CENPC: variants seen among roughly 807,000 people sequenced by gnomAD.
CENPC encodes centromere protein C, also known as CENP-C 1.
A neutral mutation model predicts 112.1 loss-of-function variants in CENPC; 63 were observed. The observed-to-expected ratio is 0.56, with a 90% confidence interval of 0.46 to 0.69. The LOEUF (loss-of-function observed/expected upper bound fraction) is 0.69, where lower values mean the gene tolerates loss of function less well. CENPC is among the 30% of genes least tolerant of loss of function. The pLI is 0.00. For missense variants in CENPC, 1,000 were observed against 1,103.8 expected, an observed-to-expected ratio of 0.91 and a Z score of 1.33; for synonymous variants, 333 against 367.6, an observed-to-expected ratio of 0.91 and a Z score of 1.08.
intron 4 of CENPC, among the ~76,000 whole-genome samples, chr4:67,538,858 C>G (rs915263050): frequency 6.6e-6 from 1 of 152,152 alleles, no homozygotes; most frequent in Non-Finnish European, 1.5e-5. Flanking sequence ...AGAAAATTAG[C>G]CACAGACTAT....
At chr4:67,481,970 G>C (rs1024798638) in intron 17 of CENPC, among the ~76,000 whole-genome samples, 2 of 152,072 alleles carry the variant, frequency 1.3e-5, no homozygotes, top group Non-Finnish European at 2.9e-5. Context: ...CAACGGCAGA[G>C]TAAACAGACA....
chr4:67,539,409 A>G (rs1726818950), intron 4 of CENPC, among the ~76,000 whole-genome samples: 1 of 152,188 alleles, frequency 6.6e-6, no homozygotes, highest in Admixed American at 6.5e-5. Context: ...TACTTAGTAT[A>G]GTTAAGTCAA....
rs75158763 is a variant in CENPC at position 67,535,520 on chromosome 4, C to G, written c.231+4320G>C. ...GCATACTAAGACATTTATACTTAGA[C>G]GTTTGTCATAGAAAACTGGTGATGA... is the stretch of plus-strand genomic sequence containing the variant. On this transcript the variant is annotated intron_variant, in intron 4 of 18. Coordinates refer to ENST00000273853, the MANE Select transcript of CENPC (RefSeq NM_001812.4). Among the ~76,000 whole-genome samples the G allele has an allele frequency of 2.0e-3, 307 of 151,814 alleles. 8 individuals are homozygous for G. The East Asian group carries it at 0.052, about 26-fold the overall frequency.
chr4:67,475,630 A>C (rs1478536268), intron 17 of CENPC, among the ~76,000 whole-genome samples: 1 of 152,056 alleles, frequency 6.6e-6, no homozygotes, highest in Non-Finnish European at 1.5e-5. Flanking sequence ...ATGGAGTCTC[A>C]CTCTGTCATC....
intron 12 of CENPC, among the ~76,000 whole-genome samples, chr4:67,501,127 G>A (rs1231185330): frequency 1.3e-5 from 2 of 152,092 alleles, no homozygotes; most frequent in African/African-American, 4.8e-5. Flanking sequence ...GGCCAACAAG[G>A]TGAAAGCCTG....
Position 67,472,517 on chromosome 4 carries a change from A to G in CENPC, c.*88T>C. The G allele has an allele frequency of 7.9e-7, 1 of 1,273,312 alleles. No individual in the cohort carries two copies. Among genetic ancestry groups the G allele is most frequent in the Non-Finnish European group, 1.0e-6 (1 of 996,470 alleles). 78.9% of individuals were successfully genotyped at this position (1,273,312 alleles called of 1,614,324 possible). On this transcript the variant is annotated 3_prime_UTR_variant, in exon 19 of 19. Coordinates refer to ENST00000273853, the MANE Select transcript of CENPC (RefSeq NM_001812.4). ...AAAATTTTTATTTTAAAACATCACA[A>G]GTAATTACAAAGACAAATATTCCAA...
chr4:67,519,464 C>A lies in CENPC; in HGVS notation c.370G>T (p.Asp124Tyr). The change falls in exon 6 of 19, where the codon GAT becomes TAT. Residue 124 changes from aspartate (D) to tyrosine (Y), a missense_variant. Asp to Tyr is a radical substitution (Grantham distance 160, BLOSUM62 -3). Transcript: ENST00000273853. Reference protein sequence around the residue: ...HEVHQKILATDVSSKNTPDSK... With the variant: ...HEVHQKILATYVSSKNTPDSK... ...TCAGGTGTATTTTTGGAACTAACAT[C>A]AGTTGCCAGAATTTTCTGATGAACT... The A allele has an allele frequency of 6.3e-7, 1 of 1,596,412 alleles. No homozygotes were observed. Among genetic ancestry groups the A allele is most frequent in the South Asian group, 1.1e-5 (1 of 88,796 alleles).
intron 8 of CENPC, among the ~76,000 whole-genome samples, chr4:67,513,546 CT>C (rs941798828): frequency 1.6e-4 from 24 of 152,056 alleles, no homozygotes; most frequent in Non-Finnish European, 1.5e-5. Flanking sequence ...TGTATCCTTC[CT>C]TTTAATCCTA....
chr4:67,490,193 A>G, intron 16 of CENPC, 72 bp from the exon 17 acceptor site: 1 of 1,012,472 alleles, frequency 9.9e-7, no homozygotes, highest in Non-Finnish European at 1.4e-6. Flanking sequence ...ATACACATAT[A>G]TATAATAAAG....
At chr4:67,483,384 C>A (rs986008490) in intron 17 of CENPC, among the ~76,000 whole-genome samples, 3 of 151,782 alleles carry the variant, frequency 2.0e-5, no homozygotes, top group African/African-American at 4.8e-5. Context: ...TCTATGTAAC[C>A]AAACACTACT....
chr4:67,543,708 A>G (rs1009281165), intron 2 of CENPC, among the ~76,000 whole-genome samples: 1 of 152,188 alleles, frequency 6.6e-6, no homozygotes, highest in Non-Finnish European at 1.5e-5. Context: ...TCATCCTATT[A>G]CTAGTAAATA....
At chr4:67,536,929 G>A (rs1364504249) in intron 4 of CENPC, among the ~76,000 whole-genome samples, 6 of 150,446 alleles carry the variant, frequency 4.0e-5, no homozygotes, top group African/African-American at 1.2e-4. Context: ...TGTGACTTAC[G>A]AGCAGTAATC....
intron 17 of CENPC, among the ~76,000 whole-genome samples, chr4:67,484,280 G>A (rs907941590): frequency 6.6e-6 from 1 of 152,170 alleles, no homozygotes; most frequent in African/African-American, 2.4e-5. Context: ...GTTCGTAGTA[G>A]GCTATATCAT....
intron 13 of CENPC, among the ~76,000 whole-genome samples, chr4:67,494,384 C>T (rs1190082258): frequency 1.3e-5 from 2 of 152,156 alleles, no homozygotes; most frequent in Admixed American, 6.5e-5. Context: ...GCATAATGCT[C>T]AATGTTCCCC....
intron 2 of CENPC, 46 bp downstream of exon 2, chr4:67,544,103 A>G: frequency 1.0e-6 from 1 of 970,988 alleles, no homozygotes; most frequent in Non-Finnish European, 1.6e-6. Flanking sequence ...AAATCTATTA[A>G]CGATGAGAAT....
intron 5 of CENPC, among the ~76,000 whole-genome samples, chr4:67,522,328 T>TA (rs1400035479): frequency 1.3e-5 from 2 of 152,212 alleles, no homozygotes; most frequent in Non-Finnish European, 2.9e-5. Flanking sequence ...ATGGATTCAG[T>TA]AAGTCAGCAA....
intron 5 of CENPC, among the ~76,000 whole-genome samples, chr4:67,526,472 T>A (rs1158518858): frequency 6.6e-6 from 1 of 151,686 alleles, no homozygotes; most frequent in African/African-American, 2.4e-5. Context: ...CACAATGAAA[T>A]TGATAATCAA....
At chr4:67,504,412 G>A (rs1027494744) in intron 12 of CENPC, among the ~76,000 whole-genome samples, 1 of 151,958 alleles carries the variant, frequency 6.6e-6, no homozygotes, top group African/African-American at 2.4e-5. Context: ...TAAAAGAATA[G>A]TGATTATTAG....
rs374153324 is a variant in CENPC at position 67,516,309 on chromosome 4, C to A, written c.831-1622G>T. Among the ~76,000 whole-genome samples, 4 of 152,034 alleles carry A rather than the reference C, an allele frequency of 2.6e-5. No individual in the cohort carries two copies. The East Asian group carries it at 7.7e-4, about 29-fold the overall frequency. The stretch of plus-strand genomic sequence containing the variant: ...TGTTTTAATAGCTTTAAGCACACCA[C>A]ATATTGCAGTGAGATACACAAAATA... On this transcript the variant is annotated intron_variant, in intron 7 of 18. Transcript: ENST00000273853.
Sources: allele counts gnomAD v4.1 joint callset (sites outside exome capture counted in the v4.1 genomes callset), GRCh38; gene constraint gnomAD v4.1.1; transcripts MANE v1.5; gene names NCBI Gene and HGNC (gene_info 2026-07-23, HGNC 2026-07-21).